Variants in CPED1 observed in about 807,000 individuals in gnomAD.
CPED1 encodes cadherin-like and PC-esterase domain-containing protein 1.
Under a neutral mutation model 128.2 loss-of-function variants are expected in CPED1, and 114 were observed. The observed-to-expected ratio is 0.89, with a 90% confidence interval of 0.76 to 1.04. The LOEUF (loss-of-function observed/expected upper bound fraction) is 1.04, where lower values mean the gene tolerates loss of function less well. Among genes scored for constraint, CPED1 ranks in the 50% least tolerant of loss-of-function variants. The pLI is 0.00. For synonymous variants in CPED1, 462 were observed against 426.7 expected, an observed-to-expected ratio of 1.08 and a Z score of -1.02; for missense variants, 1,211 against 1,207.1, an observed-to-expected ratio of 1.00 and a Z score of -0.05.
chr7:121,293,075 GAGCC>G (rs1322395830), intron 22 of CPED1, among the ~76,000 whole-genome samples: 1 of 152,170 alleles, frequency 6.6e-6, no homozygotes, highest in Non-Finnish European at 1.5e-5. Flanking sequence ...GCTCTCTTCG[GAGCC>G]AGCAAGCAGG....
At chr7:121,209,059 G>T (rs1326237956) in intron 16 of CPED1, among the ~76,000 whole-genome samples, 1 of 151,952 alleles carries the variant, frequency 6.6e-6, no homozygotes, top group African/African-American at 2.4e-5. Context: ...TTGTTGTTGT[G>T]CCAGATAGAT....
chr7:121,129,307 ATATACG>A (rs1251224718), intron 11 of CPED1, among the ~76,000 whole-genome samples: 3 of 5,946 alleles, frequency 5.0e-4, no homozygotes, highest in Non-Finnish European at 1.4e-3. Context: ...ATATATATAT[ATATACG>A]TATATATATA....
intron 5 of CPED1, among the ~76,000 whole-genome samples, chr7:121,068,909 C>T (rs1369229659): frequency 6.6e-6 from 1 of 152,052 alleles, no homozygotes; most frequent in Non-Finnish European, 1.5e-5. Flanking sequence ...TGATTTGGCT[C>T]TCTGTTTGTC....
chr7:121,258,059 C>T (rs541681254), intron 18 of CPED1, among the ~76,000 whole-genome samples: 5 of 152,126 alleles, frequency 3.3e-5, no homozygotes, highest in Admixed American at 3.3e-4. Context: ...GCCTAAGCTA[C>T]AGTTCTGATC....
chr7:121,110,463 T>A (rs560901844), intron 7 of CPED1, among the ~76,000 whole-genome samples: 1 of 152,292 alleles, frequency 6.6e-6, no homozygotes, highest in East Asian at 1.9e-4. Context: ...GTAGAAAGAT[T>A]GCCCTGAATA....
chr7:121,031,508 G>A (rs759775129), intron 3 of CPED1, among the ~76,000 whole-genome samples: 17 of 151,968 alleles, frequency 1.1e-4, no homozygotes, highest in Non-Finnish European at 1.6e-4. Flanking sequence ...GGCTGGTCTC[G>A]AACTCTTAAA....
chr7:121,005,681 C>G (rs955223490), intron 2 of CPED1, among the ~76,000 whole-genome samples: 3 of 152,014 alleles, frequency 2.0e-5, no homozygotes, highest in African/African-American at 7.2e-5. Context: ...ACAAAAAAAG[C>G]TGTTATTCCC....
In CPED1 at chr7:121,228,864, CAAAT is replaced by C. The variant is rs955062918; in HGVS notation, c.2056-7846_2056-7843del. Among the ~76,000 whole-genome samples, 112 of 151,922 alleles carry C rather than the reference CAAAT, an allele frequency of 7.4e-4. 2 individuals carry two copies. Among genetic ancestry groups the C allele is most frequent in the African/African-American group, 2.5e-3 (103 of 41,476 alleles). ...GGAACTGGAGGTTATTATCTTAAGACAAATAAACCAGGCACAAAAAGACAAATAT... is the reference window on the plus strand; with the variant it reads ...GGAACTGGAGGTTATTATCTTAAGACAAACCAGGCACAAAAAGACAAATAT... On this transcript the variant is annotated intron_variant, in intron 16 of 22. Coordinates refer to ENST00000310396, the MANE Select transcript of CPED1 (RefSeq NM_024913.5).
intron 5 of CPED1, among the ~76,000 whole-genome samples, chr7:121,092,888 T>A (rs910297328): frequency 1.3e-5 from 2 of 152,222 alleles, no homozygotes; most frequent in Non-Finnish European, 2.9e-5. Context: ...ATAGCACATA[T>A]TTAAATCATA....
chr7:121,037,679 G>C (rs1419968579), intron 3 of CPED1, among the ~76,000 whole-genome samples: 1 of 152,026 alleles, frequency 6.6e-6, no homozygotes, highest in Non-Finnish European at 1.5e-5. Context: ...GAAGAATGAT[G>C]GTGATATTTT....
At chr7:121,100,863 T>A (rs1413535407) in intron 7 of CPED1, among the ~76,000 whole-genome samples, 2 of 152,162 alleles carry the variant, frequency 1.3e-5, no homozygotes, top group Admixed American at 1.3e-4. Flanking sequence ...AATTTTGAAT[T>A]TTGGAAAATC....
At chr7:121,168,729 C>A (rs1401695533) in intron 16 of CPED1, among the ~76,000 whole-genome samples, 1 of 152,156 alleles carries the variant, frequency 6.6e-6, no homozygotes, top group Non-Finnish European at 1.5e-5. Flanking sequence ...TCTCCTCCAG[C>A]GCTCCACTAC....
intron 16 of CPED1, among the ~76,000 whole-genome samples, chr7:121,236,306 T>A (rs1798253579): frequency 1.3e-5 from 2 of 152,246 alleles, no homozygotes; most frequent in South Asian, 4.1e-4. Flanking sequence ...TATCATGAAT[T>A]CTTAATAAAA....
intron 22 of CPED1, among the ~76,000 whole-genome samples, chr7:121,280,855 A>G (rs1191391171): frequency 6.6e-6 from 1 of 152,148 alleles, no homozygotes; most frequent in Non-Finnish European, 1.5e-5. Flanking sequence ...TGGTGACTGG[A>G]TCTTGGATTG....
intron 16 of CPED1, among the ~76,000 whole-genome samples, chr7:121,174,344 A>G (rs1796727104): frequency 6.6e-6 from 1 of 151,988 alleles, no homozygotes; most frequent in South Asian, 2.1e-4. Flanking sequence ...CCAGCGTTAT[A>G]ATAGTTTTGG....
Position 121,046,558 on chromosome 7 carries a change from T to A in CPED1, c.434-329T>A, listed in dbSNP as rs879762885. On this transcript the variant is annotated intron_variant, in intron 3 of 22. Coordinates refer to ENST00000310396, the MANE Select transcript of CPED1 (RefSeq NM_024913.5). ...CCAAATCTACAAAAAAAGACTTTATTAATTTTTAAAATAAGTGATTTAAGG... is the reference window on the plus strand; with the variant it reads ...CCAAATCTACAAAAAAAGACTTTATAAATTTTTAAAATAAGTGATTTAAGG... 3.0e-4 allele frequency among the ~76,000 whole-genome samples: 45 copies of A among 152,042 alleles called. 1 individual carries two copies. Among genetic ancestry groups the A allele is most frequent in the Admixed American group, 2.8e-3 (43 of 15,276 alleles).
intron 5 of CPED1, among the ~76,000 whole-genome samples, chr7:121,067,063 AG>A (rs1219516828): frequency 6.6e-6 from 1 of 152,014 alleles, no homozygotes; most frequent in Non-Finnish European, 1.5e-5. Context: ...TGGGGGGCAC[AG>A]GGGGTGGGGT....
At chr7:121,179,429 G>T (rs549275354) in intron 16 of CPED1, among the ~76,000 whole-genome samples, 40 of 152,146 alleles carry the variant, frequency 2.6e-4, no homozygotes, top group Non-Finnish European at 4.7e-4. Flanking sequence ...AATTTAAAGG[G>T]TAGGGAGGAT....
intron 16 of CPED1, among the ~76,000 whole-genome samples, chr7:121,194,725 T>C (rs760952415): frequency 6.6e-6 from 1 of 152,182 alleles, no homozygotes. Context: ...AGAACTAAAA[T>C]GATCTGTTTT....
Sources: gnomAD v4.1 joint callset for allele counts (sites outside exome capture counted in the v4.1 genomes callset) on GRCh38, gnomAD v4.1.1 for gene constraint, MANE v1.5 for transcripts, NCBI Gene and HGNC (gene_info 2026-07-23, HGNC 2026-07-21) for gene names.